The following DENND1A variants were observed in gnomAD, a reference collection of about 807,000 sequenced individuals.
DENND1A encodes DENN domain containing 1A, also known as DENN domain-containing protein 1A.
Under a neutral mutation model 113.7 loss-of-function variants are expected in DENND1A, and 51 were observed. The observed-to-expected ratio is 0.45, with a 90% CI of 0.36 to 0.57. The LOEUF is 0.57. Among genes scored for constraint, DENND1A ranks in the 20% least tolerant of loss-of-function variants. DENND1A has a pLI of 0.00. For synonymous variants in DENND1A, 565 were observed against 570.8 expected (o/e 0.99, Z 0.14); for missense variants, 1,258 against 1,395.9 (o/e 0.90, Z 1.57).
chr9:123,479,488 C>T (rs2050167286), intron 13 of DENND1A, among the ~76,000 whole-genome samples: 1 of 152,240 alleles, frequency 6.6e-6, no homozygotes, highest in African/African-American at 2.4e-5. Flanking sequence ...CTCATTTAAC[C>T]TGCACACAGC....
intron 13 of DENND1A, among the ~76,000 whole-genome samples, chr9:123,526,311 C>T (rs1393668919): frequency 6.6e-6 from 1 of 152,230 alleles, no homozygotes; most frequent in Non-Finnish European, 1.5e-5. Flanking sequence ...CCTGCATTCT[C>T]AGTCCCACGG....
At chr9:123,829,027 C>T (rs1253640645) in intron 2 of DENND1A, among the ~76,000 whole-genome samples, 3 of 152,112 alleles carry the variant, frequency 2.0e-5, no homozygotes, top group African/African-American at 7.2e-5. Flanking sequence ...CAAGATTAGG[C>T]CACAAATCAT....
intron 2 of DENND1A, among the ~76,000 whole-genome samples, chr9:123,802,142 A>G (rs982360421): frequency 6.6e-6 from 1 of 152,204 alleles, no homozygotes; most frequent in Non-Finnish European, 1.5e-5. Flanking sequence ...GTCAGCCAGA[A>G]GCAAAACTTG....
intron 10 of DENND1A, among the ~76,000 whole-genome samples, chr9:123,610,010 G>A (rs1407847460): frequency 2.0e-5 from 3 of 152,186 alleles, no homozygotes; most frequent in African/African-American, 4.8e-5. Context: ...ATTGGACAAA[G>A]TACTTGGAGA....
chr9:123,671,131 T>C (rs1254910877), intron 7 of DENND1A, among the ~76,000 whole-genome samples, 160 bp downstream of exon 7: 1 of 152,184 alleles, frequency 6.6e-6, no homozygotes, highest in African/African-American at 2.4e-5. Context: ...AGGAAGAAAT[T>C]CTACTCTCTG....
chr9:123,693,397 G>A lies in DENND1A; in HGVS notation c.303-16608C>T, dbSNP rs191772677. Among the ~76,000 whole-genome samples the A allele has an allele frequency of 8.3e-3, 1,260 of 152,246 alleles. 11 individuals carry two copies. The highest frequency in any genetic ancestry group is 0.018 in the Admixed American group (273 of 15,284). ...CGGTGTAACAACCACAGACAATCAAGATATAGAACACTTCCATCACACCCC... is the reference window on the plus strand; with the variant it reads ...CGGTGTAACAACCACAGACAATCAAAATATAGAACACTTCCATCACACCCC... On this transcript the variant is annotated intron_variant, in intron 5 of 23. Transcript: ENST00000394215.
intron 1 of DENND1A, among the ~76,000 whole-genome samples, chr9:123,913,829 C>T (rs938150299): frequency 1.3e-5 from 2 of 149,224 alleles, no homozygotes; most frequent in Non-Finnish European, 1.5e-5. Context: ...CGCTTGAACT[C>T]GGGAGGCGGA....
At chr9:123,623,855 A>G (rs1024352789) in intron 10 of DENND1A, among the ~76,000 whole-genome samples, 2 of 152,202 alleles carry the variant, frequency 1.3e-5, no homozygotes, top group Non-Finnish European at 2.9e-5. Flanking sequence ...TACCAACAGC[A>G]GGGTCTGGGC....
At chr9:123,433,776 CT>C (rs1564479113) in intron 19 of DENND1A, among the ~76,000 whole-genome samples, 2 of 152,196 alleles carry the variant, frequency 1.3e-5, no homozygotes, top group African/African-American at 4.8e-5. Flanking sequence ...TATCCTGTTG[CT>C]TGCTTCGCTT....
chr9:123,657,414 T>C (rs1589546372), intron 8 of DENND1A, among the ~76,000 whole-genome samples: 1 of 20,402 alleles, frequency 4.9e-5, no homozygotes, highest in Non-Finnish European at 9.4e-5. Context: ...TGGGGGGAGT[T>C]GGAGTGGGGT....
intron 18 of DENND1A, among the ~76,000 whole-genome samples, chr9:123,441,130 G>A (rs1175007284): frequency 6.6e-6 from 1 of 152,110 alleles, no homozygotes; most frequent in East Asian, 1.9e-4. Context: ...ACATTTTCAA[G>A]GGTTTTTATT....
chr9:123,534,831 A>G (rs115057251), intron 13 of DENND1A, among the ~76,000 whole-genome samples: 1 of 152,224 alleles, frequency 6.6e-6, no homozygotes, highest in South Asian at 2.1e-4. Flanking sequence ...GAAATACTTT[A>G]CATGATCTTG....
At chr9:123,605,001 C>T (rs1445133143) in intron 11 of DENND1A, among the ~76,000 whole-genome samples, 2 of 152,148 alleles carry the variant, frequency 1.3e-5, no homozygotes, top group Non-Finnish European at 2.9e-5. Flanking sequence ...ATAAGGGAGA[C>T]ACAGCCATTA....
rs1028734779 is a variant in DENND1A at position 123,380,073 on chromosome 9, G to T, written c.*1359C>A. On this transcript the variant is annotated 3_prime_UTR_variant, in exon 24 of 24. Coordinates refer to ENST00000394215, the MANE Select transcript of DENND1A (RefSeq NM_001352964.2). ...CAGTGGCAGCCTCTCAGACATAGAG[G>T]GGGCTCCCTGGGTGACATCTCCAGA... 10 of 152,228 alleles carry T rather than the reference G, an allele frequency of 6.6e-5. No individual in the cohort carries two copies. Among genetic ancestry groups the T allele is most frequent in the Admixed American group, 6.5e-4 (10 of 15,284 alleles). The allele number at this position is 152,228 out of a possible 1,614,324, so 9.4% of individuals were successfully genotyped here. A position where few individuals can be genotyped will look rare whatever the true frequency, so the allele number is the denominator to read the frequency against.
intron 12 of DENND1A, among the ~76,000 whole-genome samples, chr9:123,581,855 G>C (rs1398060165): frequency 6.6e-6 from 1 of 152,156 alleles, no homozygotes; most frequent in Non-Finnish European, 1.5e-5. Context: ...CTTGCAGGCA[G>C]AGCTACGGAG....
chr9:123,541,132 T>C (rs1301202505), intron 13 of DENND1A, among the ~76,000 whole-genome samples: 2 of 152,254 alleles, frequency 1.3e-5, no homozygotes, highest in East Asian at 3.8e-4. Flanking sequence ...TTTTGTTCAC[T>C]GCTGCAATTC....
intron 5 of DENND1A, among the ~76,000 whole-genome samples, chr9:123,684,096 CAACACAAGTA>C (rs5900584): frequency 0.038 from 5,716 of 152,210 alleles, 390 homozygotes; most frequent in African/African-American, 0.13. Context: ...CCCATCTCCT[CAACACAAGTA>C]AACCCCACCA....
At chr9:123,699,433 C>T (rs996883905) in intron 5 of DENND1A, among the ~76,000 whole-genome samples, 10 of 152,124 alleles carry the variant, frequency 6.6e-5, no homozygotes, top group Non-Finnish European at 1.0e-4. Context: ...GAAAACACCA[C>T]AATATCTATC....
chr9:123,717,460 C>T (rs2067051474), intron 5 of DENND1A, among the ~76,000 whole-genome samples: 2 of 152,212 alleles, frequency 1.3e-5, no homozygotes, highest in Admixed American at 6.5e-5. Context: ...TACAAGATTA[C>T]ACAGTTACTG....
Sources: gnomAD v4.1 joint callset for allele counts (sites outside exome capture counted in the v4.1 genomes callset) on GRCh38, gnomAD v4.1.1 for gene constraint, MANE v1.5 for transcripts, NCBI Gene and HGNC (gene_info 2026-07-23, HGNC 2026-07-21) for gene names.